CNTN1: variants seen among roughly 807,000 people sequenced by gnomAD.
The protein encoded by CNTN1 is contactin-1.
A neutral mutation model predicts 126.4 loss-of-function variants in CNTN1; 38 were observed. The ratio of observed to expected loss-of-function variants is 0.30; its 90% CI spans 0.23 to 0.39. The LOEUF is 0.39. Among genes scored for constraint, CNTN1 ranks in the 10% least tolerant of loss-of-function variants. The pLI is 1.00. For missense variants in CNTN1, 1,009 were observed against 1,248.4 expected (o/e 0.81, Z 2.89); for synonymous variants, 413 against 422.6 (o/e 0.98, Z 0.28).
rs1948793208 is a variant in CNTN1, at chr12:41,016,897, C to G, written c.2400C>G (p.Val800=). The change falls in exon 19 of 24, where the codon GTC becomes GTG. Residue 800 remains valine, a synonymous_variant. Coordinates refer to ENST00000551295, the MANE Select transcript of CNTN1 (RefSeq NM_001843.4). ...ATGGACCTTACAGCCTAGTAGCAGTCATTAATTCAGCACAAGACGGTAGGT... is the reference window on the plus strand; with the variant it reads ...ATGGACCTTACAGCCTAGTAGCAGTGATTAATTCAGCACAAGACGGTAGGT... The part of the protein sequence containing the change: ...KGDGPYSLVA[V]INSAQDAPSE... The G allele has an allele frequency of 6.2e-7, 1 of 1,613,764 alleles. No individual in the cohort carries two copies. The highest frequency in any genetic ancestry group is 1.7e-5 in the Admixed American group (1 of 60,006).
At chr12:40,882,279 C>A (rs1200144417) in intron 1 of CNTN1, among the ~76,000 whole-genome samples, 2 of 151,604 alleles carry the variant, frequency 1.3e-5, no homozygotes, top group African/African-American at 4.8e-5. Flanking sequence ...CTTTAAATGC[C>A]ATTAGTGATT....
intron 1 of CNTN1, among the ~76,000 whole-genome samples, chr12:40,773,633 G>GTATATATA (rs371522549): frequency 9.0e-4 from 42 of 46,550 alleles, no homozygotes; most frequent in African/African-American, 2.5e-3. Context: ...ACCAGAAACT[G>GTATATATA]TATATATATA....
At chr12:40,898,167 A>T (rs1473086640) in intron 1 of CNTN1, among the ~76,000 whole-genome samples, 1 of 152,108 alleles carries the variant, frequency 6.6e-6, no homozygotes, top group African/African-American at 2.4e-5. Flanking sequence ...ATGTTATATG[A>T]TGTGGGGGGT....
At chr12:40,878,382 A>G (rs1943753461) in intron 1 of CNTN1, among the ~76,000 whole-genome samples, 1 of 149,942 alleles carries the variant, frequency 6.7e-6, no homozygotes, top group South Asian at 2.1e-4. Flanking sequence ...CTAAACATAT[A>G]CAAAAACAAA....
At chr12:41,044,673 A>T (rs1431695601) in intron 23 of CNTN1, among the ~76,000 whole-genome samples, 1 of 152,074 alleles carries the variant, frequency 6.6e-6, no homozygotes, top group Non-Finnish European at 1.5e-5. Flanking sequence ...CTAAAATTGG[A>T]ATCTAGCATG....
At chr12:40,702,856 A>G (rs1349228875) in intron 1 of CNTN1, among the ~76,000 whole-genome samples, 1 of 152,238 alleles carries the variant, frequency 6.6e-6, no homozygotes, top group African/African-American at 2.4e-5. Context: ...AACCCTTTGC[A>G]TAAAACACAA....
chr12:40,718,896 AT>A (rs989761425), intron 1 of CNTN1, among the ~76,000 whole-genome samples: 5 of 152,052 alleles, frequency 3.3e-5, no homozygotes, highest in Admixed American at 2.6e-4. Flanking sequence ...TATGATGAAT[AT>A]CTGGGATTTT....
intron 1 of CNTN1, among the ~76,000 whole-genome samples, chr12:40,699,023 A>G (rs898680019): frequency 6.6e-6 from 1 of 152,090 alleles, no homozygotes; most frequent in Non-Finnish European, 1.5e-5. Flanking sequence ...GCCTTGGGTC[A>G]GGTGCCACCA....
intron 1 of CNTN1, among the ~76,000 whole-genome samples, chr12:40,802,531 CT>C (rs1237195905): frequency 2.0e-5 from 3 of 151,942 alleles, no homozygotes; most frequent in African/African-American, 7.2e-5. Flanking sequence ...CCAGTGCAGT[CT>C]TTTTTACATT....
chr12:41,033,485 A>T (rs1256429564), intron 23 of CNTN1, among the ~76,000 whole-genome samples: 1 of 152,200 alleles, frequency 6.6e-6, no homozygotes, highest in Non-Finnish European at 1.5e-5. Flanking sequence ...GTGAGCATGC[A>T]TATTTTAAGT....
intron 1 of CNTN1, chr12:40,729,708 A>C (rs1157969616): frequency 4.9e-6 from 1 of 205,496 alleles, no homozygotes; most frequent in African/African-American, 2.3e-5. Context: ...GGTGTGATAC[A>C]ATCAAGCCAT....
chr12:40,851,466 A>G lies in CNTN1; in HGVS notation c.-76-56891A>G, dbSNP rs187832087. 4.6e-5 allele frequency among the ~76,000 whole-genome samples: 7 copies of G among 152,350 alleles called. No homozygotes were observed. The East Asian group carries it at 1.2e-3, about 25-fold the overall frequency. ...TGCAGTCAAAAAGGAAGTCTTATCC[A>G]TATTTTGAGACTCTGCTGGGACATC... On this transcript the variant is annotated intron_variant, in intron 1 of 23. Transcript: ENST00000551295.
chr12:40,746,705 A>G (rs1265688925), intron 1 of CNTN1, among the ~76,000 whole-genome samples: 2 of 151,952 alleles, frequency 1.3e-5, no homozygotes, highest in African/African-American at 2.4e-5. Context: ...GGAGATGAGT[A>G]TGCGCAGTGT....
At chr12:40,891,583 A>C (rs1387833763) in intron 1 of CNTN1, among the ~76,000 whole-genome samples, 1 of 152,070 alleles carries the variant, frequency 6.6e-6, no homozygotes, top group South Asian at 2.1e-4. Context: ...TACGTAGCTA[A>C]ATTTTTTTTG....
At chr12:40,719,747 C>T (rs765320907) in intron 1 of CNTN1, among the ~76,000 whole-genome samples, 5 of 152,192 alleles carry the variant, frequency 3.3e-5, no homozygotes, top group Non-Finnish European at 7.3e-5. Context: ...TTATTATTTA[C>T]CATGTGTCAG....
chr12:40,922,283 TC>T lies in CNTN1; in HGVS notation c.256del (p.Leu86SerfsTer9). 1 of 1,614,032 alleles carries T rather than the reference TC, an allele frequency of 6.2e-7. No homozygotes were observed. Among genetic ancestry groups the T allele is most frequent in the Non-Finnish European group, 8.5e-7 (1 of 1,179,926 alleles). ...GGAGAATGAATAATGGGGACGTTGATCTCACAAGTGATCGATACAGTATGGT... is the reference window on the plus strand; with the variant it reads ...GGAGAATGAATAATGGGGACGTTGATTCACAAGTGATCGATACAGTATGGT... ...KWRMNNGDVD[L>X]TSDRYSMVGG... is the part of the protein sequence containing the mutation. On this transcript the variant is annotated frameshift_variant, in exon 5 of 24. Transcript: ENST00000551295. LOFTEE classifies it high-confidence loss of function.
intron 20 of CNTN1, among the ~76,000 whole-genome samples, chr12:41,022,325 T>C (rs973939614): frequency 2.0e-5 from 3 of 152,208 alleles, no homozygotes; most frequent in African/African-American, 7.2e-5. Context: ...GTATGTACCA[T>C]GAGGAGTTGG....
intron 1 of CNTN1, among the ~76,000 whole-genome samples, chr12:40,875,010 C>T (rs1943621498): frequency 6.6e-6 from 1 of 152,020 alleles, no homozygotes; most frequent in African/African-American, 2.4e-5. Context: ...CTGTCTTGAC[C>T]ACATGTGCCT....
At chr12:40,701,197 A>T (rs563858650) in intron 1 of CNTN1, among the ~76,000 whole-genome samples, 24 of 152,296 alleles carry the variant, frequency 1.6e-4, no homozygotes, top group Admixed American at 1.5e-3. Flanking sequence ...AATCATTCTA[A>T]ATTTGCATAT....
Sources: gnomAD v4.1 joint callset for allele counts (sites outside exome capture counted in the v4.1 genomes callset) on GRCh38, gnomAD v4.1.1 for gene constraint, MANE v1.5 for transcripts, NCBI Gene and HGNC (gene_info 2026-07-23, HGNC 2026-07-21) for gene names.